CALCRL: variants seen among roughly 807,000 people sequenced by gnomAD.
The protein encoded by CALCRL is calcitonin gene-related peptide type 1 receptor.
Under a neutral mutation model 60.4 loss-of-function variants are expected in CALCRL, and 27 were observed. The ratio of observed to expected loss-of-function variants is 0.45; its 90% CI spans 0.33 to 0.62. The LOEUF is 0.62. CALCRL is among the 20% of genes least tolerant of loss of function. CALCRL has a pLI of 0.03. For synonymous variants in CALCRL, 190 were observed against 182.6 expected, an observed-to-expected ratio of 1.04 and a Z score of -0.33; for missense variants, 424 against 540.7, an observed-to-expected ratio of 0.78 and a Z score of 2.14.
At chr2:187,442,479 A>G (rs1690964332) in intron 1 of CALCRL, among the ~76,000 whole-genome samples, 1 of 151,834 alleles carries the variant, frequency 6.6e-6, no homozygotes, top group Admixed American at 6.6e-5. Flanking sequence ...TGTTAAGCCA[A>G]AACCTAAATT....
At chr2:187,376,888 A>G (rs1244343009) in intron 8 of CALCRL, among the ~76,000 whole-genome samples, 2 of 152,100 alleles carry the variant, frequency 1.3e-5, no homozygotes, top group Admixed American at 1.3e-4. Context: ...TAATCTGAAG[A>G]CTTTCAGCTG....
At chr2:187,369,576 T>C (rs1465433964) in intron 8 of CALCRL, among the ~76,000 whole-genome samples, 1 of 152,170 alleles carries the variant, frequency 6.6e-6, no homozygotes, top group Non-Finnish European at 1.5e-5. Flanking sequence ...CTGACTACTT[T>C]ATAATCCATC....
At chr2:187,411,639 C>T (rs966149032) in intron 1 of CALCRL, among the ~76,000 whole-genome samples, 3 of 151,900 alleles carry the variant, frequency 2.0e-5, no homozygotes, top group South Asian at 4.2e-4. Context: ...AGAATCAGGG[C>T]CATTAAATAT....
Position 187,421,764 on chromosome 2 carries a change from C to T in CALCRL, c.-293+26275G>A, listed in dbSNP as rs561371692. Among the ~76,000 whole-genome samples the T allele has an allele frequency of 4.6e-5, 7 of 152,316 alleles. No homozygotes were observed. In the East Asian group the frequency reaches 1.2e-3, roughly 25 times the overall value. On this transcript the variant is annotated intron_variant, in intron 1 of 14. Transcript: ENST00000392370. ...CTCATAAAAACACCATTTTCATCTT[C>T]AGCTGTCTAGAAGCTCCAAACCAGT...
chr2:187,400,403 G>C (rs1393188099), intron 1 of CALCRL, among the ~76,000 whole-genome samples: 1 of 151,170 alleles, frequency 6.6e-6, no homozygotes, highest in Non-Finnish European at 1.5e-5. Context: ...GAAAGAATAC[G>C]GGAAATTATA....
At position 187,342,603 on chromosome 2, in the gene CALCRL, T is replaced by C. The variant is rs1686131124; in HGVS notation, c.*3581A>G. 6.6e-6 allele frequency among the ~76,000 whole-genome samples: 1 copy of C among 151,496 alleles called. No homozygotes were observed. ...TAGTATAATCACAAGGAGGAGAGATTATAAGAAAAAAACACAAGTGTTTTA... is the reference window on the plus strand; with the variant it reads ...TAGTATAATCACAAGGAGGAGAGATCATAAGAAAAAAACACAAGTGTTTTA... On this transcript the variant is annotated 3_prime_UTR_variant, in exon 15 of 15. Transcript: ENST00000392370.
At chr2:187,402,907 G>T (rs1005112995) in intron 1 of CALCRL, among the ~76,000 whole-genome samples, 9 of 151,530 alleles carry the variant, frequency 5.9e-5, no homozygotes, top group African/African-American at 1.9e-4. Context: ...TTGGAGGTGG[G>T]GCTTTTGGGA....
intron 1 of CALCRL, among the ~76,000 whole-genome samples, chr2:187,402,856 T>A (rs528550635): frequency 6.6e-6 from 1 of 151,946 alleles, no homozygotes; most frequent in Admixed American, 6.6e-5. Context: ...TAGAGCCATA[T>A]GACAAAATTT....
chr2:187,365,201 G>T (rs1471744855), intron 8 of CALCRL, among the ~76,000 whole-genome samples: 1 of 152,208 alleles, frequency 6.6e-6, no homozygotes, highest in Non-Finnish European at 1.5e-5. Flanking sequence ...CATTGAGCAT[G>T]AAGAGAGTTA....
chr2:187,418,925 G>A (rs1366458526), intron 1 of CALCRL, among the ~76,000 whole-genome samples: 2 of 145,098 alleles, frequency 1.4e-5, no homozygotes, highest in Non-Finnish European at 3.0e-5. Flanking sequence ...GCGTGATCTC[G>A]GCTCACTGCA....
At chr2:187,390,889 T>C (rs1688411435) in intron 1 of CALCRL, among the ~76,000 whole-genome samples, 1 of 152,174 alleles carries the variant, frequency 6.6e-6, no homozygotes, top group South Asian at 2.1e-4. Flanking sequence ...CCATGAGATC[T>C]AGCAATGACC....
chr2:187,441,005 G>A (rs1443902701), intron 1 of CALCRL, among the ~76,000 whole-genome samples: 1 of 151,896 alleles, frequency 6.6e-6, no homozygotes, highest in Non-Finnish European at 1.5e-5. Context: ...CCAAATTAAT[G>A]AAGACAAATA....
intron 14 of CALCRL, 70 bp from the exon 15 acceptor site, chr2:187,346,469 A>G (rs913329548): frequency 2.7e-6 from 3 of 1,092,436 alleles, no homozygotes; most frequent in Non-Finnish European, 4.0e-6. Context: ...CTGTTTTTGA[A>G]GCACAATTAA....
chr2:187,442,730 T>C (rs561626210), intron 1 of CALCRL, among the ~76,000 whole-genome samples: 2 of 151,944 alleles, frequency 1.3e-5, no homozygotes, highest in South Asian at 2.1e-4. Context: ...CCGACAGATG[T>C]CTACATTTAT....
At chr2:187,378,527 ATG>A (rs1687859361) in intron 8 of CALCRL, among the ~76,000 whole-genome samples, 1 of 152,140 alleles carries the variant, frequency 6.6e-6, no homozygotes, top group South Asian at 2.1e-4. Context: ...TATATTTTTG[ATG>A]ATATATGTTA....
chr2:187,344,410 T>C lies in CALCRL; in HGVS notation c.*1774A>G, dbSNP rs1686199832. ...TAAGAAACAACTTATGATGAGTAAT[T>C]TGTTTCATCCATTTTAATCAGATTG... On this transcript the variant is annotated 3_prime_UTR_variant, in exon 15 of 15. Transcript: ENST00000392370. The C allele has an allele frequency of 6.6e-6, 1 of 151,618 alleles. No homozygotes were observed. Among genetic ancestry groups the C allele is most frequent in the East Asian group, 1.9e-4 (1 of 5,182 alleles). The allele number at this position is 151,618 out of a possible 1,614,324, so 9.4% of individuals were successfully genotyped here. A position where few individuals can be genotyped will look rare whatever the true frequency, so the allele number is the denominator to read the frequency against.
At chr2:187,389,665 T>C (rs1688351851) in intron 1 of CALCRL, among the ~76,000 whole-genome samples, 3 of 152,174 alleles carry the variant, frequency 2.0e-5, no homozygotes, top group East Asian at 3.8e-4. Context: ...TGTTTTTTAT[T>C]AGATGGAGAA....
intron 12 of CALCRL, among the ~76,000 whole-genome samples, chr2:187,358,442 C>T (rs907436186): frequency 6.6e-6 from 1 of 152,032 alleles, no homozygotes; most frequent in African/African-American, 2.4e-5. Flanking sequence ...ATGTCTAATT[C>T]ATGCACTCAC....
At chr2:187,411,177 G>T (rs1465827872) in intron 1 of CALCRL, among the ~76,000 whole-genome samples, 4 of 151,914 alleles carry the variant, frequency 2.6e-5, no homozygotes, top group African/African-American at 7.3e-5. Context: ...TGTACTGAAA[G>T]CACATGGAGA....
Sources: allele counts gnomAD v4.1 joint callset (sites outside exome capture counted in the v4.1 genomes callset), GRCh38; gene constraint gnomAD v4.1.1; transcripts MANE v1.5; gene names NCBI Gene and HGNC (gene_info 2026-07-23, HGNC 2026-07-21).